The following CAPRIN1 variants were observed in gnomAD, a reference collection of about 807,000 sequenced individuals.
CAPRIN1 encodes the protein caprin-1.
A neutral mutation model predicts 100.9 loss-of-function variants in CAPRIN1; 29 were observed. That is an observed-to-expected ratio of 0.29 (90% confidence interval 0.21 to 0.39). The LOEUF (loss-of-function observed/expected upper bound fraction) is 0.39, where lower values mean the gene tolerates loss of function less well. Ranked by LOEUF, CAPRIN1 falls within the 10% of genes least tolerant of loss-of-function variation. The pLI is 1.00. For missense variants in CAPRIN1, 795 were observed against 876.7 expected, an observed-to-expected ratio of 0.91 and a Z score of 1.18; for synonymous variants, 338 against 307.5, an observed-to-expected ratio of 1.10 and a Z score of -1.04.
intron 2 of CAPRIN1, chr11:34,063,360 T>A (rs1443660554): frequency 6.6e-6 from 1 of 152,214 alleles, no homozygotes; most frequent in Non-Finnish European, 1.5e-5. Flanking sequence ...AAGACCTTAC[T>A]TAGGTAAGTT....
chr11:34,079,306 A>C (rs965479282), intron 6 of CAPRIN1, among the ~76,000 whole-genome samples: 1 of 152,174 alleles, frequency 6.6e-6, no homozygotes, highest in Non-Finnish European at 1.5e-5. Context: ...TGGCTGAGGA[A>C]CAAGAATTGC....
chr11:34,082,801 T>C, intron 7 of CAPRIN1, 24 bp from the exon 8 acceptor site: 3 of 1,605,702 alleles, frequency 1.9e-6, no homozygotes, highest in Non-Finnish European at 2.6e-6. Context: ...TCCTTTTGTT[T>C]TGCACCATTT....
At chr11:34,053,275 C>G (rs901207725) in intron 2 of CAPRIN1, 18 of 429,626 alleles carry the variant, frequency 4.2e-5, no homozygotes, top group Non-Finnish European at 5.3e-5. Flanking sequence ...GCGTTTCCCT[C>G]TTTGTTTCAA....
intron 9 of CAPRIN1, among the ~76,000 whole-genome samples, chr11:34,084,081 AT>A (rs1409568977): frequency 7.9e-5 from 12 of 151,130 alleles, no homozygotes; most frequent in African/African-American, 2.9e-4. Context: ...AAAAAAACCC[AT>A]TTTCCAAAGA....
At position 34,059,993 on chromosome 11, in the gene CAPRIN1, C is replaced by T. The variant is rs545259808; in HGVS notation, c.216+7357C>T. On this transcript the variant is annotated intron_variant, in intron 2 of 18. Transcript: ENST00000341394. Reference sequence around the variant, plus strand: ...GGTGGATCACCTGAGGTCAGGAGTTCGAGACCAGCCTGGCCAACCTGTGAA... The same window carrying T: ...GGTGGATCACCTGAGGTCAGGAGTTTGAGACCAGCCTGGCCAACCTGTGAA... 6.8e-4 allele frequency among the ~76,000 whole-genome samples: 99 copies of T among 146,548 alleles called. 1 individual carries two copies. In the South Asian group the frequency reaches 0.016, roughly 24 times the overall value.
chr11:34,096,766 T>A, intron 16 of CAPRIN1, 93 bp downstream of exon 16: 2 of 885,116 alleles, frequency 2.3e-6, no homozygotes, highest in South Asian at 1.8e-5. Flanking sequence ...TTGGGAAGGA[T>A]GTATCTGCAT....
chr11:34,053,018 TGAA>T (rs1850362949), intron 2 of CAPRIN1: 2 of 1,041,882 alleles, frequency 1.9e-6, no homozygotes, highest in Non-Finnish European at 2.3e-6. Context: ...GGGCCCAAAA[TGAA>T]GAGGTCCCTG....
chr11:34,079,677 T>C lies in CAPRIN1; in HGVS notation c.738T>C (p.Phe246=). The change falls in exon 7 of 19, where the codon TTT becomes TTC. Residue 246 remains phenylalanine, a synonymous_variant. Transcript: ENST00000341394. ...AGCGTGTTTTTCAGTCAAACTACTT[T>C]GACAGCACCCACAACCACCAGAATG... ...IVERVFQSNY[F]DSTHNHQNGL... is the part of the protein sequence containing the mutation. The C allele has an allele frequency of 6.2e-7, 1 of 1,614,056 alleles. No homozygotes were observed. The highest frequency in any genetic ancestry group is 2.2e-5 in the East Asian group (1 of 44,874).
chr11:34,099,121 A>G (rs1385497342), intron 18 of CAPRIN1, 182 bp from the exon 19 acceptor site: 1 of 1,435,330 alleles, frequency 7.0e-7, no homozygotes, highest in Non-Finnish European at 9.1e-7. Flanking sequence ...AGAGAACATG[A>G]GCAAATTTGC....
In CAPRIN1 at chr11:34,072,682, T is replaced by G. The variant is rs559198763; in HGVS notation, c.366+695T>G. 5.3e-5 allele frequency among the ~76,000 whole-genome samples: 8 copies of G among 152,258 alleles called. No individual in the cohort carries two copies. The South Asian group carries it at 1.7e-3, about 32-fold the overall frequency. On this transcript the variant is annotated intron_variant, in intron 4 of 18. Coordinates refer to ENST00000341394, the MANE Select transcript of CAPRIN1 (RefSeq NM_005898.5). ...AAACCTTTGGGAATAAGGACAAAAG[T>G]TAAATGCAAGCAAAGTCAGATAATT...
At chr11:34,082,768 GAGTAGTATCAC>G in intron 7 of CAPRIN1, 46 bp from the exon 8 acceptor site, 6 of 1,214,036 alleles carry the variant, frequency 4.9e-6, no homozygotes, top group Non-Finnish European at 1.2e-6. Flanking sequence ...ACACAGAGTA[GAGTAGTATCAC>G]TGACCTAAAA....
chr11:34,052,242 G>GGC (rs1565078168), intron 1 of CAPRIN1, 179 bp from the exon 2 acceptor site: 3 of 152,392 alleles, frequency 2.0e-5, no homozygotes, highest in South Asian at 2.5e-4. Context: ...CCGCTGGCGG[G>GGC]TCGCGCGCGC....
At chr11:34,074,091 G>A (rs1262703418) in intron 4 of CAPRIN1, among the ~76,000 whole-genome samples, 1 of 152,146 alleles carries the variant, frequency 6.6e-6, no homozygotes, top group Non-Finnish European at 1.5e-5. Context: ...CGTTGGGAGG[G>A]TTAAGTTTCT....
At chr11:34,058,640 T>G (rs892814854) in intron 2 of CAPRIN1, among the ~76,000 whole-genome samples, 1 of 152,250 alleles carries the variant, frequency 6.6e-6, no homozygotes, top group African/African-American at 2.4e-5. Flanking sequence ...ATTGTTGAAC[T>G]TTGTGTTTGC....
At chr11:34,064,217 C>T (rs1447731932) in intron 2 of CAPRIN1, among the ~76,000 whole-genome samples, 1 of 152,100 alleles carries the variant, frequency 6.6e-6, no homozygotes, top group Admixed American at 6.6e-5. Context: ...AAGAATAAAG[C>T]TGTGTCTGTC....
chr11:34,092,151 A>T, intron 15 of CAPRIN1, 95 bp downstream of exon 15: 1 of 1,268,034 alleles, frequency 7.9e-7, no homozygotes, highest in Non-Finnish European at 1.1e-6. Context: ...GTGGTGTCCA[A>T]GAGTTTCTGT....
At chr11:34,062,479 G>T (rs1326804495) in intron 2 of CAPRIN1, among the ~76,000 whole-genome samples, 1 of 152,030 alleles carries the variant, frequency 6.6e-6, no homozygotes, top group East Asian at 1.9e-4. Flanking sequence ...AAAAAAATTA[G>T]CCGGGCGTGG....
At position 34,052,489 on chromosome 11, in the gene CAPRIN1, C is replaced by G; in HGVS notation, c.69C>G (p.Ser23=). The change falls in exon 2 of 19, where the codon TCC becomes TCG. Residue 23 remains serine, a synonymous_variant. Coordinates refer to ENST00000341394, the MANE Select transcript of CAPRIN1 (RefSeq NM_005898.5). Reference sequence around the variant, plus strand: ...CCGGACCGCCACCGCCGTCGGGTTCCTCCGGGAGTGAGGCGGCCGCGGGAG... The same window carrying G: ...CCGGACCGCCACCGCCGTCGGGTTCGTCCGGGAGTGAGGCGGCCGCGGGAG... ...KSSGPPPPSG[S]SGSEAAAGAG... 6.2e-7 allele frequency: 1 copy of G among 1,607,698 alleles called. No homozygotes were observed. The highest frequency in any genetic ancestry group is 1.3e-5 in the African/African-American group (1 of 74,762).
At position 34,097,216 on chromosome 11, in the gene CAPRIN1, C is replaced by T. The variant is rs1851385152; in HGVS notation, c.1921C>T (p.Pro641Ser). Residue 641 changes from proline to serine, a missense_variant, in exon 17 of 19, where the codon CCT becomes TCT. By Grantham distance (74) the Pro-to-Ser change is moderately conservative. This residue lies in a region of CAPRIN1 where 648 missense variants were observed against 697.9 expected (regional missense o/e 0.93). Coordinates refer to ENST00000341394, the MANE Select transcript of CAPRIN1 (RefSeq NM_005898.5). The stretch of plus-strand genomic sequence containing the variant: ...TTTAGGAGGATATGATGGTTACCGC[C>T]CTTCATTCTCTAACACTCCAAACAG... ...GFRGGYDGYRPSFSNTPNSGY... is the reference protein window; with the variant it reads ...GFRGGYDGYRSSFSNTPNSGY... 1 of 1,612,602 alleles carries T rather than the reference C, an allele frequency of 6.2e-7. No homozygotes were observed. The highest frequency in any genetic ancestry group is 8.5e-7 in the Non-Finnish European group (1 of 1,178,808).
Sources: allele counts gnomAD v4.1 joint callset (sites outside exome capture counted in the v4.1 genomes callset), GRCh38; gene constraint gnomAD v4.1.1; regional missense constraint gnomAD v4.1.1; transcripts MANE v1.5; gene names NCBI Gene and HGNC (gene_info 2026-07-23, HGNC 2026-07-21).